The following DNAH9 variants were observed in gnomAD, a reference collection of about 807,000 sequenced individuals.
DNAH9 encodes dynein axonemal heavy chain 9.
In DNAH9, 345 loss-of-function variants were observed where a neutral mutation model predicts 471.6. The observed-to-expected ratio is 0.73, with a 90% confidence interval of 0.67 to 0.80. The LOEUF (loss-of-function observed/expected upper bound fraction) is 0.80, where lower values mean the gene tolerates loss of function less well. Ranked by LOEUF, DNAH9 falls within the 30% of genes least tolerant of loss-of-function variation. The pLI is 0.00. For synonymous variants in DNAH9, 2,093 were observed against 2,123.6 expected (o/e 0.99, Z 0.40); for missense variants, 5,407 against 5,609.2 (o/e 0.96, Z 1.15).
chr17:11,763,579 A>T lies in DNAH9; in HGVS notation c.7135A>T (p.Ile2379Phe). 1.2e-6 allele frequency: 2 copies of T among 1,614,198 alleles called. No homozygotes were observed. The highest frequency in any genetic ancestry group is 1.7e-6 in the Non-Finnish European group (2 of 1,180,032). Reference protein sequence around the residue: ...IYEHYFVFAAIWAFGGAMVQD... With the variant: ...IYEHYFVFAAFWAFGGAMVQD... ...TGAGCATTATTTTGTGTTTGCTGCC[A>T]TCTGGGCTTTCGGCGGAGCAATGGT... Residue 2379 changes from isoleucine to phenylalanine, a missense_variant, in exon 36 of 69, where the codon ATC becomes TTC. Ile to Phe is a conservative substitution (Grantham distance 21, BLOSUM62 0). Transcript: ENST00000262442.
intron 41 of DNAH9, among the ~76,000 whole-genome samples, chr17:11,785,413 G>A (rs1327268904): frequency 6.6e-6 from 1 of 152,124 alleles, no homozygotes; most frequent in Non-Finnish European, 1.5e-5. Flanking sequence ...ACATGTAATT[G>A]TAATTAATTT....
At chr17:11,723,569 T>C (rs1254997611) in intron 27 of DNAH9, 2 of 152,226 alleles carry the variant, frequency 1.3e-5, no homozygotes, top group South Asian at 2.1e-4. Context: ...CATCCACCTA[T>C]GGAAACTCCA....
In DNAH9 at chr17:11,751,298, C is replaced by A. The variant is rs1036395663; in HGVS notation, c.6611-1535C>A. Among the ~76,000 whole-genome samples, 3 of 151,876 alleles carry A rather than the reference C, an allele frequency of 2.0e-5. No individual in the cohort carries two copies. The South Asian group carries it at 6.2e-4, about 32-fold the overall frequency. On this transcript the variant is annotated intron_variant, in intron 32 of 68. Coordinates refer to ENST00000262442, the MANE Select transcript of DNAH9 (RefSeq NM_001372.4). The stretch of plus-strand genomic sequence containing the variant: ...AGAGCAAGAATAATATTAATATCAA[C>A]TTTTATGTGGAGCCAAAAAAACCCA...
intron 50 of DNAH9, among the ~76,000 whole-genome samples, chr17:11,857,009 G>T (rs1224095826): frequency 6.6e-6 from 1 of 152,058 alleles, no homozygotes; most frequent in African/African-American, 2.4e-5. Flanking sequence ...ACAGGCATGA[G>T]CCACCATGTC....
chr17:11,605,501 TTG>T (rs764963404), intron 1 of DNAH9, among the ~76,000 whole-genome samples: 2 of 151,924 alleles, frequency 1.3e-5, no homozygotes, highest in African/African-American at 2.4e-5. Flanking sequence ...GTTGTTGTTG[TTG>T]TTGTTGTTGT....
At chr17:11,723,119 C>T (rs1160759768) in intron 27 of DNAH9, 1 of 152,252 alleles carries the variant, frequency 6.6e-6, no homozygotes, top group Non-Finnish European at 1.5e-5. Context: ...GAAGCCATGT[C>T]TATTCTCCAG....
intron 35 of DNAH9, among the ~76,000 whole-genome samples, chr17:11,759,517 CTTTT>C (rs1157505657): frequency 1.2e-5 from 1 of 83,934 alleles, no homozygotes; most frequent in Non-Finnish European, 2.3e-5. Context: ...ATACACACCA[CTTTT>C]TTTTTTTTTT....
chr17:11,638,150 A>G (rs541959133), intron 9 of DNAH9, among the ~76,000 whole-genome samples: 1 of 150,328 alleles, frequency 6.7e-6, no homozygotes, highest in East Asian at 1.9e-4. Context: ...GCTTTTAAGT[A>G]GCTGAGTAAG....
chr17:11,942,423 C>T lies in DNAH9; in HGVS notation c.12781C>T (p.Arg4261Trp), dbSNP rs180802108. ...TGTAGTTGCCTTCCAGGAGTGTGGC[C>T]GGATGAATATCCTCACCAGAGAGAT... ...YIVVAFQECG[R>W]MNILTREIQR... The change falls in exon 67 of 69, where the codon CGG becomes TGG. Residue 4261 changes from arginine (R) to tryptophan (W), a missense_variant. Coordinates refer to ENST00000262442, the MANE Select transcript of DNAH9 (RefSeq NM_001372.4). 10 of 1,614,132 alleles carry T rather than the reference C, an allele frequency of 6.2e-6. No homozygotes were observed. In the African/African-American group the frequency reaches 6.7e-5, roughly 11 times the overall value.
intron 38 of DNAH9, among the ~76,000 whole-genome samples, chr17:11,769,738 A>G (rs2058139728): frequency 6.6e-6 from 1 of 152,208 alleles, no homozygotes; most frequent in Non-Finnish European, 1.5e-5. Flanking sequence ...AGGCTCAGGT[A>G]AAAGGATGTG....
At chr17:11,835,003 G>C in intron 49 of DNAH9, 105 bp downstream of exon 49, 1 of 1,431,188 alleles carries the variant, frequency 7.0e-7, no homozygotes, top group Non-Finnish European at 9.3e-7. Flanking sequence ...GGAGAGTTTA[G>C]GGTGGGCTCC....
At chr17:11,870,801 T>G (rs1352659262) in intron 51 of DNAH9, among the ~76,000 whole-genome samples, 2 of 152,164 alleles carry the variant, frequency 1.3e-5, no homozygotes, top group Non-Finnish European at 2.9e-5. Context: ...GTCAGGATGT[T>G]CAGGCTCTGA....
intron 67 of DNAH9, among the ~76,000 whole-genome samples, chr17:11,955,539 G>A (rs2072113003): frequency 6.6e-6 from 1 of 152,198 alleles, no homozygotes; most frequent in Admixed American, 6.5e-5. Context: ...CCTGTCTCCA[G>A]ACCACTCCTA....
At position 11,822,559 on chromosome 17, in the gene DNAH9, C is replaced by A; in HGVS notation, c.8972C>A (p.Ser2991Tyr). 1 of 1,614,200 alleles carries A rather than the reference C, an allele frequency of 6.2e-7. No individual in the cohort carries two copies. The highest frequency in any genetic ancestry group is 1.7e-5 in the Admixed American group (1 of 60,032). ...GAGTGGCCTCAGCAAGCATTGGAGT[C>A]TGTCAGCCTCCGCTTCTTGCAGAAC... ...FHEWPQQALE[S>Y]VSLRFLQNTE... The change falls in exon 47 of 69, where the codon TCT becomes TAT. Residue 2991 changes from serine to tyrosine, a missense_variant. Ser to Tyr is a moderately radical substitution (Grantham distance 144). Transcript: ENST00000262442.
intron 67 of DNAH9, among the ~76,000 whole-genome samples, chr17:11,959,070 T>C (rs758132820): frequency 4.1e-5 from 6 of 147,032 alleles, no homozygotes; most frequent in Non-Finnish European, 6.0e-5. Flanking sequence ...TTTGACAAAA[T>C]TGAACACCAA....
At chr17:11,619,050 T>A (rs1314867859) in intron 5 of DNAH9, among the ~76,000 whole-genome samples, 2 of 152,194 alleles carry the variant, frequency 1.3e-5, no homozygotes, top group African/African-American at 4.8e-5. Flanking sequence ...TAAGGCTGGC[T>A]TCAGCCCCGA....
At chr17:11,845,852 TG>T (rs1385534691) in intron 49 of DNAH9, among the ~76,000 whole-genome samples, 1 of 143,072 alleles carries the variant, frequency 7.0e-6, no homozygotes, top group Non-Finnish European at 1.5e-5. Flanking sequence ...TTGATGGGGT[TG>T]TTTTTTTCTT....
intron 50 of DNAH9, among the ~76,000 whole-genome samples, chr17:11,862,579 G>A (rs1336997319): frequency 6.6e-6 from 1 of 151,276 alleles, no homozygotes; most frequent in Non-Finnish European, 1.5e-5. Context: ...AGCTTGATGG[G>A]GATGGCATTG....
At chr17:11,830,573 G>T (rs4548916) in intron 48 of DNAH9, among the ~76,000 whole-genome samples, 48,707 of 151,918 alleles carry the variant, frequency 0.32, 8,001 homozygotes, top group East Asian at 0.44. Context: ...GAGAAAAAAC[G>T]AAAAATGAAA....
Sources: allele counts gnomAD v4.1 joint callset (sites outside exome capture counted in the v4.1 genomes callset), GRCh38; gene constraint gnomAD v4.1.1; transcripts MANE v1.5; gene names NCBI Gene and HGNC (gene_info 2026-07-23, HGNC 2026-07-21).